Variants in MYRIP observed in about 807,000 individuals in gnomAD.
MYRIP encodes the protein myosin VIIA and Rab interacting protein.
Under a neutral mutation model 98.0 loss-of-function variants are expected in MYRIP, and 49 were observed. The ratio of observed to expected loss-of-function variants is 0.50; its 90% confidence interval spans 0.40 to 0.63. The LOEUF (loss-of-function observed/expected upper bound fraction) is 0.63. MYRIP is among the 30% of genes least tolerant of loss of function. MYRIP has a pLI of 0.00. For synonymous variants in MYRIP, 404 were observed against 409.5 expected (o/e 0.99, Z 0.16); for missense variants, 1,004 against 1,058.2 (o/e 0.95, Z 0.71).
In MYRIP at chr3:40,069,395, CTT is replaced by C. The variant is rs35427857; in HGVS notation, c.332+25137_332+25138del. 8.3e-3 allele frequency among the ~76,000 whole-genome samples: 1,189 copies of C among 143,994 alleles called. 21 individuals carry two copies. Among genetic ancestry groups the C allele is most frequent in the African/African-American group, 0.027 (1,044 of 39,086 alleles). 94.5% of individuals were successfully genotyped at this position (143,994 alleles called of 152,430 possible). Reference sequence around the variant, plus strand: ...CCTCAAGGCCAAATTTCGCAAGATACTTTTTTTTTTTTTTGCTTTTTAAAGTG... The same window carrying C: ...CCTCAAGGCCAAATTTCGCAAGATACTTTTTTTTTTTTGCTTTTTAAAGTG... On this transcript the variant is annotated intron_variant, in intron 3 of 16. Transcript: ENST00000302541.
chr3:40,008,927 G>A (rs1253640471), intron 2 of MYRIP, among the ~76,000 whole-genome samples: 4 of 152,166 alleles, frequency 2.6e-5, no homozygotes, highest in East Asian at 1.9e-4. Flanking sequence ...CACTGAGTCC[G>A]TCTGCTCCCT....
intron 1 of MYRIP, among the ~76,000 whole-genome samples, chr3:39,866,342 T>TA (rs1942622456): frequency 1.3e-5 from 2 of 151,884 alleles, no homozygotes; most frequent in Admixed American, 1.3e-4. Flanking sequence ...AAATAAAAGT[T>TA]AAAAAAATAA....
intron 3 of MYRIP, among the ~76,000 whole-genome samples, chr3:40,082,135 A>G (rs550178370): frequency 1.3e-5 from 2 of 152,370 alleles, no homozygotes; most frequent in Admixed American, 1.3e-4. Flanking sequence ...GAACCCTTGT[A>G]CACTGTTGTT....
At chr3:40,017,759 A>C (rs538331017) in intron 2 of MYRIP, among the ~76,000 whole-genome samples, 44 of 146,378 alleles carry the variant, frequency 3.0e-4, no homozygotes, top group African/African-American at 1.1e-3. Flanking sequence ...CTTACTCCGG[A>C]AATTCCAGTT....
chr3:40,205,089 C>A (rs1280828047), intron 10 of MYRIP, among the ~76,000 whole-genome samples: 1 of 152,120 alleles, frequency 6.6e-6, no homozygotes, highest in African/African-American at 2.4e-5. Flanking sequence ...CTGGAGCCCC[C>A]CTTCGGCCTC....
intron 3 of MYRIP, among the ~76,000 whole-genome samples, chr3:40,143,737 TAAATC>T (rs1438284457): frequency 6.6e-6 from 1 of 152,218 alleles, no homozygotes; most frequent in Non-Finnish European, 1.5e-5. Flanking sequence ...ATGGAATAAT[TAAATC>T]AAGCTAGTTA....
At chr3:40,085,969 A>T (rs1231620804) in intron 3 of MYRIP, among the ~76,000 whole-genome samples, 2 of 152,228 alleles carry the variant, frequency 1.3e-5, no homozygotes, top group Non-Finnish European at 2.9e-5. Context: ...TACACACAGT[A>T]CTGTGATAAG....
At chr3:40,007,733 A>T (rs188539265) in intron 2 of MYRIP, among the ~76,000 whole-genome samples, 1 of 152,346 alleles carries the variant, frequency 6.6e-6, no homozygotes, top group Admixed American at 6.5e-5. Flanking sequence ...GAAAACTGGC[A>T]TATCAAAATC....
intron 2 of MYRIP, among the ~76,000 whole-genome samples, chr3:39,930,295 A>G: frequency 6.6e-6 from 1 of 151,954 alleles, no homozygotes; most frequent in East Asian, 1.9e-4. Flanking sequence ...TTGATGGTTA[A>G]TGATGTTGAG....
At chr3:40,035,000 A>G (rs1444515973) in intron 2 of MYRIP, among the ~76,000 whole-genome samples, 1 of 146,572 alleles carries the variant, frequency 6.8e-6, no homozygotes, top group Non-Finnish European at 1.5e-5. Flanking sequence ...GCATGTTCTC[A>G]CTCATAGGTG....
At chr3:40,228,386 C>A (rs1250693424) in intron 11 of MYRIP, among the ~76,000 whole-genome samples, 1 of 152,006 alleles carries the variant, frequency 6.6e-6, no homozygotes, top group Non-Finnish European at 1.5e-5. Flanking sequence ...TCATTTTTTT[C>A]TTATAATTTT....
At chr3:40,100,366 C>G (rs11720413) in intron 3 of MYRIP, 209,827 of 796,562 alleles carry the variant, frequency 0.26, 28,210 homozygotes, top group East Asian at 0.37. Context: ...TGATGTTTTG[C>G]AACAGAACTA....
intron 8 of MYRIP, chr3:40,173,418 G>C (rs1950668636): frequency 6.6e-6 from 1 of 152,178 alleles, no homozygotes; most frequent in African/African-American, 2.4e-5. Context: ...GTTAAAGCTG[G>C]AAGTAGTGTC....
chr3:39,861,565 T>A (rs542845740), intron 1 of MYRIP, among the ~76,000 whole-genome samples: 8 of 152,136 alleles, frequency 5.3e-5, no homozygotes, highest in Non-Finnish European at 1.2e-4. Flanking sequence ...CAGGAGAAAG[T>A]TGAAACCCAA....
chr3:39,983,243 C>T (rs889081621), intron 2 of MYRIP, among the ~76,000 whole-genome samples: 3 of 152,146 alleles, frequency 2.0e-5, no homozygotes, highest in Non-Finnish European at 4.4e-5. Flanking sequence ...CTGAGTAAAA[C>T]CATCAAGTCA....
At chr3:40,192,103 GTT>G (rs540619580) in intron 10 of MYRIP, among the ~76,000 whole-genome samples, 1 of 142,242 alleles carries the variant, frequency 7.0e-6, no homozygotes. Flanking sequence ...ACCCTGATGG[GTT>G]TTTTTTTTTG....
intron 5 of MYRIP, among the ~76,000 whole-genome samples, chr3:40,166,163 G>A (rs778370966): frequency 1.2e-4 from 19 of 152,118 alleles, no homozygotes; most frequent in Non-Finnish European, 2.6e-4. Flanking sequence ...ATACCATAGA[G>A]TTTATATTTG....
At chr3:40,004,656 A>G (rs529380905) in intron 2 of MYRIP, among the ~76,000 whole-genome samples, 3 of 152,178 alleles carry the variant, frequency 2.0e-5, no homozygotes, top group Non-Finnish European at 4.4e-5. Flanking sequence ...CTGAGTCCCC[A>G]AAGTCCACTG....
chr3:40,189,331 A>C (rs1332292074), intron 9 of MYRIP, among the ~76,000 whole-genome samples: 1 of 152,200 alleles, frequency 6.6e-6, no homozygotes, highest in Non-Finnish European at 1.5e-5. Context: ...GCCTATTACG[A>C]AGTAGGATCT....
Sources: allele counts gnomAD v4.1 joint callset (sites outside exome capture counted in the v4.1 genomes callset), GRCh38; gene constraint gnomAD v4.1.1; transcripts MANE v1.5; gene names NCBI Gene and HGNC (gene_info 2026-07-23, HGNC 2026-07-21).